RGS3: variants seen among roughly 807,000 people sequenced by gnomAD.
RGS3 encodes regulator of G protein signaling 3, also known as regulator of G-protein signalling 3.
RGS3 carries 80 observed loss-of-function variants against 132.6 expected under a neutral mutation model. That is an observed-to-expected ratio of 0.60 (90% confidence interval 0.50 to 0.73). The LOEUF is 0.73. RGS3 is among the 30% of genes least tolerant of loss of function. RGS3 has a pLI of 0.00. For synonymous variants in RGS3, 598 were observed against 620.6 expected, an observed-to-expected ratio of 0.96 and a Z score of 0.54; for missense variants, 1,382 against 1,530.8, an observed-to-expected ratio of 0.90 and a Z score of 1.62.
chr9:113,479,152 G>A (rs555518764), intron 3 of RGS3: 17 of 289,294 alleles, frequency 5.9e-5, no homozygotes, highest in African/African-American at 1.1e-4. Flanking sequence ...GAGAATGACA[G>A]TACTTGTTCT....
intron 17 of RGS3, among the ~76,000 whole-genome samples, chr9:113,527,262 C>A (rs1332423994): frequency 4.6e-5 from 7 of 152,224 alleles, no homozygotes; most frequent in Admixed American, 4.6e-4. Context: ...CTCTCATCTC[C>A]TGGACTTTCC....
rs924427554 is a variant in RGS3, at chr9:113,507,872, A to T, written c.1437+234A>T. Among the ~76,000 whole-genome samples, 6 of 152,218 alleles carry T rather than the reference A, an allele frequency of 3.9e-5. 1 individual carries two copies. The highest frequency in any genetic ancestry group is 1.3e-4 in the Admixed American group (2 of 15,280). On this transcript the variant is annotated intron_variant, in intron 13 of 24. Coordinates refer to ENST00000350696, the Ensembl canonical transcript of RGS3. The surrounding 1 kb of genome is among the most constrained non-coding windows in gnomAD (Gnocchi z 5.0). ...AAGACCAGGGCATGCACAGGCTGGA[A>T]GATTTCAACTCACAGAAGGAAGAGC...
chr9:113,470,776 G>A (rs1026141186), intron 3 of RGS3, among the ~76,000 whole-genome samples: 1 of 152,050 alleles, frequency 6.6e-6, no homozygotes, highest in African/African-American at 2.4e-5. Context: ...ACCAGTGTGG[G>A]CAACATAGTG....
At chr9:113,517,465 C>T in intron 15 of RGS3, 76 bp from the exon 14 acceptor site, 1 of 1,231,122 alleles carries the variant, frequency 8.1e-7, no homozygotes, top group Non-Finnish European at 1.2e-6. Flanking sequence ...CTGGCTTTGA[C>T]AAGCTGCTGC....
intron 7 of RGS3, among the ~76,000 whole-genome samples, chr9:113,488,039 T>C (rs1482969995): frequency 6.6e-6 from 1 of 152,176 alleles, no homozygotes; most frequent in Non-Finnish European, 1.5e-5. Context: ...CAGGGAATGA[T>C]GGATGCACAT....
At chr9:113,551,575 C>T (rs974356066) in intron 19 of RGS3, among the ~76,000 whole-genome samples, 12 of 152,086 alleles carry the variant, frequency 7.9e-5, no homozygotes, top group African/African-American at 2.2e-4. Context: ...TACTGCTGGG[C>T]GTGGTGGCTC....
At chr9:113,459,215 C>T (rs1018793987), upstream of RGS3, among the ~76,000 whole-genome samples, 1 of 152,140 alleles carries the variant, frequency 6.6e-6, no homozygotes, top group African/African-American at 2.4e-5. Context: ...ATAGTTAAAA[C>T]TACATTAGCA....
At chr9:113,505,254 C>A in intron 10 of RGS3, 188 bp from the exon 9 acceptor site, 3 of 597,396 alleles carry the variant, frequency 5.0e-6, no homozygotes, top group South Asian at 2.0e-5. Flanking sequence ...CTGCTTGGCC[C>A]ACAACCCAGT....
At chr9:113,462,304 T>C (rs917533258) in intron 3 of RGS3, 2 of 4,398 alleles carry the variant, frequency 4.5e-4, no homozygotes. Flanking sequence ...AGGGGGAGAG[T>C]GGGGTGGGGT....
intron 1 of RGS3, among the ~76,000 whole-genome samples, chr9:113,445,679 T>C (rs1228905520): frequency 6.6e-6 from 1 of 152,138 alleles, no homozygotes; most frequent in African/African-American, 2.4e-5. Context: ...CTTCATTGAT[T>C]TTGTTTTTGT....
chr9:113,469,243 G>T (rs1829749194), intron 3 of RGS3, among the ~76,000 whole-genome samples: 1 of 152,206 alleles, frequency 6.6e-6, no homozygotes, highest in South Asian at 2.1e-4. Flanking sequence ...CCCTGAACTG[G>T]AGGCCTTCAA....
intron 19 of RGS3, chr9:113,541,879 T>C: frequency 1.0e-6 from 1 of 986,444 alleles, no homozygotes; most frequent in Non-Finnish European, 1.2e-6. Context: ...ATTCGATGGA[T>C]ATTTCGGGTG....
intron 1 of RGS3, among the ~76,000 whole-genome samples, chr9:113,454,012 C>T (rs1465370077): frequency 6.6e-6 from 1 of 151,930 alleles, no homozygotes; most frequent in East Asian, 1.9e-4. Context: ...AAGATGGGGT[C>T]TAAGTTGCTC....
upstream of RGS3, among the ~76,000 whole-genome samples, chr9:113,459,230 C>T (rs879454194): frequency 3.9e-5 from 6 of 152,196 alleles, no homozygotes; most frequent in Non-Finnish European, 7.3e-5. Flanking sequence ...TTAGCATCAT[C>T]TGTTTCTTGA....
chr9:113,526,976 C>CA (rs1424364084), intron 17 of RGS3, among the ~76,000 whole-genome samples: 1 of 152,226 alleles, frequency 6.6e-6, no homozygotes, highest in Non-Finnish European at 1.5e-5. Context: ...TCCTCTCCGG[C>CA]ACCCTTGGCT....
chr9:113,594,114 T>G (rs751045223), intron 21 of RGS3: 23 of 1,612,976 alleles, frequency 1.4e-5, no homozygotes, highest in Non-Finnish European at 1.9e-5. Flanking sequence ...AGCCCCGGCT[T>G]GTGCCTGGGA....
chr9:113,488,917 C>T (rs908317780), intron 7 of RGS3, among the ~76,000 whole-genome samples: 2 of 152,214 alleles, frequency 1.3e-5, no homozygotes, highest in Non-Finnish European at 2.9e-5. Flanking sequence ...CAGGAAACTT[C>T]GGCTCTGCTG....
At chr9:113,481,635 C>A (rs562789472) in intron 4 of RGS3, among the ~76,000 whole-genome samples, 1 of 152,196 alleles carries the variant, frequency 6.6e-6, no homozygotes, top group Non-Finnish European at 1.5e-5. Flanking sequence ...TTGGCTTCAC[C>A]CCAGTCTCAG....
intron 19 of RGS3, among the ~76,000 whole-genome samples, chr9:113,575,089 G>A (rs1834452204): frequency 6.6e-6 from 1 of 152,134 alleles, no homozygotes. Flanking sequence ...GGGCAGCACC[G>A]TGCTGAAACC....
Sources: allele counts gnomAD v4.1 joint callset (sites outside exome capture counted in the v4.1 genomes callset), GRCh38; gene constraint gnomAD v4.1.1; non-coding constraint Gnocchi (gnomAD v3.1); transcripts MANE v1.5; gene names NCBI Gene and HGNC (gene_info 2026-07-23, HGNC 2026-07-21).